Variants in SOX6 observed in about 807,000 individuals in gnomAD.
SOX6 encodes the protein SRY-box transcription factor 6.
SOX6 carries 11 observed loss-of-function variants against 97.8 expected under a neutral mutation model. The observed-to-expected ratio is 0.11, with a 90% CI of 0.07 to 0.19. The LOEUF (loss-of-function observed/expected upper bound fraction) is 0.19. Ranked by LOEUF, SOX6 falls within the 10% of genes least tolerant of loss-of-function variation. The pLI is 1.00. For missense variants in SOX6, 810 were observed against 1,039.5 expected (o/e 0.78, Z 3.04); for synonymous variants, 360 against 371.4 (o/e 0.97, Z 0.35).
intron 3 of SOX6, among the ~76,000 whole-genome samples, chr11:16,674,189 CAAAAA>C (rs61516612): frequency 5.2e-5 from 4 of 76,326 alleles, no homozygotes; most frequent in East Asian, 4.4e-4. Flanking sequence ...GACTCCATCT[CAAAAA>C]AAAAAAAAAA....
intron 1 of SOX6, among the ~76,000 whole-genome samples, chr11:16,427,548 C>T (rs1382127697): frequency 2.0e-5 from 3 of 150,278 alleles, no homozygotes; most frequent in East Asian, 3.9e-4. Flanking sequence ...TCTCATTGTT[C>T]AATTCCCACC....
chr11:16,055,392 C>T (rs1847788713), intron 10 of SOX6, among the ~76,000 whole-genome samples: 1 of 152,122 alleles, frequency 6.6e-6, no homozygotes, highest in Non-Finnish European at 1.5e-5. Flanking sequence ...TATAAGTTAA[C>T]TCCCTGCCTG....
intron 2 of SOX6, among the ~76,000 whole-genome samples, chr11:16,331,163 C>T (rs1856282440): frequency 6.6e-6 from 1 of 152,120 alleles, no homozygotes; most frequent in Non-Finnish European, 1.5e-5. Flanking sequence ...TTTTCATCCT[C>T]CTTTGAGTGA....
intron 1 of SOX6, among the ~76,000 whole-genome samples, chr11:16,411,148 A>G (rs17554911): frequency 0.084 from 12,773 of 152,238 alleles, 606 homozygotes; most frequent in Non-Finnish European, 0.11. Flanking sequence ...GAAATTCTAC[A>G]TAATGACTGA....
At chr11:16,047,699 A>G (rs1474105334) in intron 11 of SOX6, among the ~76,000 whole-genome samples, 2 of 116,488 alleles carry the variant, frequency 1.7e-5, no homozygotes, top group East Asian at 7.0e-4. Context: ...ATCATTTCAT[A>G]GCGTGTGTGT....
chr11:16,499,756 C>T (rs1224649155), intron 4 of SOX6, among the ~76,000 whole-genome samples: 1 of 152,124 alleles, frequency 6.6e-6, no homozygotes. Context: ...CAACACTAAA[C>T]CAGGAAGAAG....
chr11:16,656,313 T>C (rs1157398192), intron 3 of SOX6, among the ~76,000 whole-genome samples: 1 of 152,146 alleles, frequency 6.6e-6, no homozygotes, highest in Non-Finnish European at 1.5e-5. Flanking sequence ...CCTGACCTCA[T>C]GATCCGCCCA....
intron 6 of SOX6, among the ~76,000 whole-genome samples, chr11:16,138,520 TTTG>T (rs1212372004): frequency 6.6e-6 from 1 of 152,028 alleles, no homozygotes; most frequent in Non-Finnish European, 1.5e-5. Flanking sequence ...TAAAAATTTT[TTTG>T]TTGTTGTTTT....
intron 1 of SOX6, among the ~76,000 whole-genome samples, chr11:16,405,045 G>A (rs1160966919): frequency 1.3e-5 from 2 of 151,862 alleles, no homozygotes; most frequent in South Asian, 4.1e-4. Flanking sequence ...TAGATTAATC[G>A]GAGGCTCCTT....
chr11:16,230,160 T>C lies in SOX6; in HGVS notation c.535+4422A>G, dbSNP rs553850459. Among the ~76,000 whole-genome samples, 225 of 151,920 alleles carry C rather than the reference T, an allele frequency of 1.5e-3. 1 individual carries two copies. The highest frequency in any genetic ancestry group is 8.4e-4 in the Non-Finnish European group (57 of 67,756). ...CCAAACTCCTAGTAGACTAGAACAA[T>C]ATCTTTAAATGAAAAAGGATATTTT... On this transcript the variant is annotated intron_variant, in intron 4 of 15. Transcript: ENST00000683767.
intron 4 of SOX6, among the ~76,000 whole-genome samples, chr11:16,563,446 A>G (rs908812511): frequency 1.3e-5 from 2 of 152,126 alleles, no homozygotes; most frequent in Middle Eastern, 3.2e-3. Flanking sequence ...CCCTGTCACT[A>G]TTTAAAACAA....
chr11:15,986,257 A>G lies in SOX6; in HGVS notation c.2130T>C (p.Tyr710=), dbSNP rs1467333010. 1.9e-6 allele frequency: 3 copies of G among 1,614,124 alleles called. No homozygotes were observed. The East Asian group carries it at 6.7e-5, about 36-fold the overall frequency. Residue 710 remains tyrosine, a synonymous_variant, in exon 15 of 16, where the codon TAT becomes TAC. Transcript: ENST00000683767. ...VDGKKLRIGE[Y]KQLMRSRRQE... The stretch of plus-strand genomic sequence containing the variant: ...GTCTCCGAGACCTCATCAGTTGCTT[A>G]TACTCCCCAATCCGAAGCTTTTTGC...
At chr11:16,291,386 T>TAAATAAATAAATAAATAAAC (rs1456089963) in intron 3 of SOX6, among the ~76,000 whole-genome samples, 1 of 151,240 alleles carries the variant, frequency 6.6e-6, no homozygotes, top group Non-Finnish European at 1.5e-5. Context: ...AATAAATAAA[T>TAAATAAATAAATAAATAAAC]AAACAAATAA....
chr11:16,461,802 A>G (rs1042606021), intron 1 of SOX6, among the ~76,000 whole-genome samples: 1 of 152,164 alleles, frequency 6.6e-6, no homozygotes, highest in African/African-American at 2.4e-5. Flanking sequence ...TCTTCTGTGT[A>G]TCTCCTCTGC....
intron 4 of SOX6, among the ~76,000 whole-genome samples, chr11:16,201,336 AT>A (rs1291054824): frequency 3.3e-5 from 5 of 152,268 alleles, no homozygotes; most frequent in African/African-American, 4.8e-5. Flanking sequence ...GTAATATTAC[AT>A]AAATAGAACC....
At chr11:16,138,792 C>A (rs1017344192) in intron 6 of SOX6, among the ~76,000 whole-genome samples, 4 of 151,412 alleles carry the variant, frequency 2.6e-5, no homozygotes, top group Non-Finnish European at 5.9e-5. Flanking sequence ...TGAGTGAGAA[C>A]ATGCGGTGTT....
intron 3 of SOX6, among the ~76,000 whole-genome samples, chr11:16,673,761 C>A (rs1402481578): frequency 6.6e-6 from 1 of 152,062 alleles, no homozygotes; most frequent in African/African-American, 2.4e-5. Context: ...TTATATGAGG[C>A]CAGTATCACC....
chr11:16,355,730 T>C (rs1590153213), intron 1 of SOX6, among the ~76,000 whole-genome samples: 1 of 152,012 alleles, frequency 6.6e-6, no homozygotes, highest in South Asian at 2.1e-4. Flanking sequence ...GAAAGATTGA[T>C]TTTATTGAAA....
chr11:16,104,292 T>G (rs1849019886), intron 7 of SOX6, among the ~76,000 whole-genome samples: 1 of 151,988 alleles, frequency 6.6e-6, no homozygotes, highest in South Asian at 2.1e-4. Context: ...GAGACAGAAA[T>G]GAGTGGCTTT....
Sources: allele counts gnomAD v4.1 joint callset (sites outside exome capture counted in the v4.1 genomes callset), GRCh38; gene constraint gnomAD v4.1.1; transcripts MANE v1.5; gene names NCBI Gene and HGNC (gene_info 2026-07-23, HGNC 2026-07-21).